FGF12: variants seen among roughly 807,000 people sequenced by gnomAD.
FGF12 encodes fibroblast growth factor 12B.
A neutral mutation model predicts 23.6 loss-of-function variants in FGF12; 14 were observed. That is an observed-to-expected ratio of 0.59 (90% CI 0.39 to 0.93). The LOEUF is 0.93. Among genes scored for constraint, FGF12 ranks in the 40% least tolerant of loss-of-function variants. FGF12 has a pLI of 0.00. For synonymous variants in FGF12, 62 were observed against 77.3 expected (o/e 0.80, Z 1.04); for missense variants, 175 against 217.8 (o/e 0.80, Z 1.24).
intron 4 of FGF12, among the ~76,000 whole-genome samples, chr3:192,331,749 A>G (rs1290193209): frequency 1.3e-5 from 2 of 152,094 alleles, no homozygotes; most frequent in African/African-American, 2.4e-5. Flanking sequence ...GTTTTCCAGG[A>G]TGGAATAAAG....
chr3:192,329,740 A>G (rs2108690691), intron 4 of FGF12, among the ~76,000 whole-genome samples: 1 of 152,336 alleles, frequency 6.6e-6, no homozygotes, highest in Non-Finnish European at 1.5e-5. Flanking sequence ...AGAATAAAAC[A>G]TTAAAGGATA....
intron 2 of FGF12, among the ~76,000 whole-genome samples, chr3:192,677,923 T>A (rs1301307673): frequency 1.3e-5 from 2 of 152,220 alleles, no homozygotes; most frequent in East Asian, 3.8e-4. Flanking sequence ...TGGCACTATA[T>A]TCTCTACAAA....
intron 4 of FGF12, among the ~76,000 whole-genome samples, chr3:192,289,116 A>G (rs1459521479): frequency 6.6e-6 from 1 of 152,176 alleles, no homozygotes; most frequent in Non-Finnish European, 1.5e-5. Context: ...TATATTTTAA[A>G]TGATTTGATC....
intron 2 of FGF12, among the ~76,000 whole-genome samples, chr3:192,387,594 T>A (rs1446861169): frequency 6.6e-6 from 1 of 151,918 alleles, no homozygotes; most frequent in Non-Finnish European, 1.5e-5. Flanking sequence ...AGGCCTGTAA[T>A]CCCAGCACTT....
intron 2 of FGF12, among the ~76,000 whole-genome samples, chr3:192,431,877 T>G (rs1053020884): frequency 1.3e-5 from 2 of 152,186 alleles, no homozygotes; most frequent in Non-Finnish European, 2.9e-5. Context: ...GCACAGGGCA[T>G]CCTCTCTGAC....
intron 4 of FGF12, among the ~76,000 whole-genome samples, chr3:192,190,446 G>T (rs903437694): frequency 1.8e-4 from 27 of 146,258 alleles, no homozygotes; most frequent in Admixed American, 1.2e-3. Context: ...ATTAAAATCT[G>T]ACAATCTGTA....
rs1385308385 is a variant in FGF12 at position 192,154,084 on chromosome 3, C to T, written c.428-9957G>A. Among the ~76,000 whole-genome samples the T allele has an allele frequency of 1.7e-5, 2 of 117,044 alleles. 1 individual carries two copies. Among genetic ancestry groups the T allele is most frequent in the East Asian group, 4.5e-4 (2 of 4,492 alleles). 76.8% of individuals were successfully genotyped at this position (117,044 alleles called of 152,430 possible). A position where few individuals can be genotyped will look rare whatever the true frequency, so the allele number is the denominator to read the frequency against. ...TTCATTTCATCTTCCATTGCTGATA[C>T]CCTTCTTCCAGTTGATCGCATCGGC... On this transcript the variant is annotated intron_variant, in intron 5 of 5. Coordinates refer to ENST00000445105, the MANE Select transcript of FGF12 (RefSeq NM_004113.6).
chr3:192,404,211 T>C (rs927380174), intron 2 of FGF12, among the ~76,000 whole-genome samples: 2 of 152,172 alleles, frequency 1.3e-5, no homozygotes, highest in African/African-American at 2.4e-5. Context: ...TATAGAAATA[T>C]AATAAAAACA....
intron 2 of FGF12, among the ~76,000 whole-genome samples, chr3:192,662,271 C>G (rs1461385291): frequency 1.3e-5 from 2 of 152,298 alleles, no homozygotes; most frequent in South Asian, 4.1e-4. Context: ...ATATCCTTGT[C>G]TTATTGAAAA....
At chr3:192,695,289 C>G (rs2108724930) in intron 2 of FGF12, among the ~76,000 whole-genome samples, 1 of 152,306 alleles carries the variant, frequency 6.6e-6, no homozygotes, top group Non-Finnish European at 1.5e-5. Flanking sequence ...CCATGACTTT[C>G]TCTACTCTGC....
intron 5 of FGF12, among the ~76,000 whole-genome samples, chr3:192,151,357 A>C: frequency 7.2e-6 from 1 of 139,096 alleles, no homozygotes; most frequent in East Asian, 2.0e-4. Context: ...CACTATGTTG[A>C]ATAGGAGTGG....
At chr3:192,490,161 T>C (rs1210253393) in intron 2 of FGF12, among the ~76,000 whole-genome samples, 1 of 152,028 alleles carries the variant, frequency 6.6e-6, no homozygotes, top group Non-Finnish European at 1.5e-5. Context: ...TAAAGAAAAG[T>C]CTCACCTTGT....
intron 2 of FGF12, among the ~76,000 whole-genome samples, chr3:192,541,786 C>T (rs1725371743): frequency 6.6e-6 from 1 of 152,054 alleles, no homozygotes; most frequent in Admixed American, 6.5e-5. Flanking sequence ...AGGAGAATTT[C>T]ACTGGATCTA....
chr3:192,360,636 A>T lies in FGF12; in HGVS notation c.14-98T>A. 1 of 764,438 alleles carries T rather than the reference A, an allele frequency of 1.3e-6. No homozygotes were observed. The highest frequency in any genetic ancestry group is 2.6e-5 in the East Asian group (1 of 39,094). 47.4% of individuals were successfully genotyped at this position (764,438 alleles called of 1,614,324 possible). ...TCCTGTAAGTAAATACGTAAATGCCAATAGCTTAAATATTGAATTATGTAT... is the reference window on the plus strand; with the variant it reads ...TCCTGTAAGTAAATACGTAAATGCCTATAGCTTAAATATTGAATTATGTAT... On this transcript the variant is annotated intron_variant, in intron 2 of 5. Transcript: ENST00000445105. The surrounding 1 kb of genome is among the most constrained non-coding windows in gnomAD (Gnocchi z 4.3).
At chr3:192,444,022 C>T (rs1326397582) in intron 2 of FGF12, among the ~76,000 whole-genome samples, 1 of 152,180 alleles carries the variant, frequency 6.6e-6, no homozygotes, top group Non-Finnish European at 1.5e-5. Flanking sequence ...TCTCAGAGTT[C>T]CGGAAGTCCC....
At chr3:192,368,341 C>T (rs1042158521) in intron 2 of FGF12, among the ~76,000 whole-genome samples, 1 of 151,888 alleles carries the variant, frequency 6.6e-6, no homozygotes, top group Non-Finnish European at 1.5e-5. Flanking sequence ...AACATGTAAA[C>T]AATAAAGTAT....
rs140461705 is a variant in FGF12, at chr3:192,408,161, G to A, written c.14-47623C>T. ...GGCGCTTGGAGGCCGACACTCGGTC[G>A]CTGTTGGACTCCCTCGCCTGCCGCT... On this transcript the variant is annotated intron_variant, in intron 2 of 5. Transcript: ENST00000445105. The surrounding 1 kb of genome is among the most constrained non-coding windows in gnomAD (Gnocchi z 7.3). 2.9e-4 allele frequency: 465 copies of A among 1,610,872 alleles called. 2 individuals are homozygous for A. The highest frequency in any genetic ancestry group is 5.3e-5 in the Non-Finnish European group (63 of 1,179,882).
chr3:192,205,345 C>G (rs1184588644), intron 4 of FGF12, among the ~76,000 whole-genome samples: 3 of 152,136 alleles, frequency 2.0e-5, no homozygotes, highest in Non-Finnish European at 4.4e-5. Flanking sequence ...AACTACCATA[C>G]CATATCCTAC....
chr3:192,268,478 G>T (rs370980784), intron 4 of FGF12, among the ~76,000 whole-genome samples: 1 of 152,180 alleles, frequency 6.6e-6, no homozygotes, highest in Non-Finnish European at 1.5e-5. Flanking sequence ...TCCAATGTTG[G>T]AGGTGGGGCC....
Sources: allele counts gnomAD v4.1 joint callset (sites outside exome capture counted in the v4.1 genomes callset), GRCh38; gene constraint gnomAD v4.1.1; non-coding constraint Gnocchi (gnomAD v3.1); transcripts MANE v1.5; gene names NCBI Gene and HGNC (gene_info 2026-07-23, HGNC 2026-07-21).